Variants in LINGO2 observed in about 807,000 individuals in gnomAD.
LINGO2 encodes the protein leucine-rich repeat and immunoglobulin-like domain-containing nogo receptor-interacting protein 2.
In LINGO2, 14 loss-of-function variants were observed where a neutral mutation model predicts 30.6. The ratio of observed to expected loss-of-function variants is 0.46; its 90% CI spans 0.30 to 0.72. LINGO2 has a LOEUF of 0.72. Among genes scored for constraint, LINGO2 ranks in the 30% least tolerant of loss-of-function variants. The probability of loss-of-function intolerance (pLI) is 0.07; values close to 1 mark genes in which losing one functional copy is unlikely to be tolerated. For missense variants in LINGO2, 729 were observed against 751.7 expected (o/e 0.97, Z 0.35); for synonymous variants, 317 against 288.5 (o/e 1.10, Z -1.00).
At chr9:29,157,815 G>A in the LINGO2 span, among the ~76,000 whole-genome samples, 4 of 151,748 alleles carry the variant, frequency 2.6e-5, no homozygotes, top group African/African-American at 7.3e-5. Flanking sequence ...TTGAATATGC[G>A]GTAATCTTTG....
the LINGO2 span, among the ~76,000 whole-genome samples, chr9:28,818,782 T>C: frequency 6.6e-6 from 1 of 152,172 alleles, no homozygotes; most frequent in African/African-American, 2.4e-5. Context: ...GAGATAAACT[T>C]TCTAATTTGC....
At chr9:28,109,279 A>C (rs1826697535) in intron 4 of LINGO2, among the ~76,000 whole-genome samples, 1 of 152,214 alleles carries the variant, frequency 6.6e-6, no homozygotes, top group South Asian at 2.1e-4. Context: ...TCAAACCCAC[A>C]GACAATATCA....
At chr9:28,654,666 C>T (rs769282240) in intron 1 of LINGO2, among the ~76,000 whole-genome samples, 17 of 152,042 alleles carry the variant, frequency 1.1e-4, no homozygotes, top group African/African-American at 4.1e-4. Flanking sequence ...ATGGTTGCCT[C>T]ATAGCTTTTG....
At chr9:28,912,243 A>C in the LINGO2 span, among the ~76,000 whole-genome samples, 29 of 152,156 alleles carry the variant, frequency 1.9e-4, no homozygotes, top group South Asian at 6.2e-4. Context: ...ACAGTGAAAG[A>C]CTAACTTGTC....
the LINGO2 span, among the ~76,000 whole-genome samples, chr9:29,013,636 G>T: frequency 6.6e-6 from 1 of 151,994 alleles, no homozygotes; most frequent in East Asian, 1.9e-4. Flanking sequence ...TAATTAACTT[G>T]TAGTCTAGTA....
chr9:28,968,236 C>A, the LINGO2 span, among the ~76,000 whole-genome samples: 1 of 152,030 alleles, frequency 6.6e-6, no homozygotes, highest in Non-Finnish European at 1.5e-5. Context: ...AATAGACATG[C>A]CGAGTTTTTG....
chr9:28,539,405 T>C (rs2135455280), intron 1 of LINGO2, among the ~76,000 whole-genome samples: 1 of 152,232 alleles, frequency 6.6e-6, no homozygotes, highest in East Asian at 1.9e-4. Context: ...ACAATTCTCT[T>C]CATATATAAT....
At chr9:28,016,449 T>C (rs932428831) in intron 4 of LINGO2, among the ~76,000 whole-genome samples, 1 of 152,092 alleles carries the variant, frequency 6.6e-6, no homozygotes, top group Non-Finnish European at 1.5e-5. Flanking sequence ...GAAGGAGAAC[T>C]GTATCTGACA....
chr9:28,255,639 A>G (rs1822357188), intron 4 of LINGO2, among the ~76,000 whole-genome samples: 1 of 152,102 alleles, frequency 6.6e-6, no homozygotes, highest in African/African-American at 2.4e-5. Context: ...GGTCTCCCAT[A>G]AAACTTTTAC....
intron 1 of LINGO2, among the ~76,000 whole-genome samples, chr9:28,652,230 T>C (rs184338724): frequency 1.2e-3 from 180 of 152,284 alleles, no homozygotes; most frequent in Admixed American, 6.5e-3. Context: ...ATTTAAGACA[T>C]AGGGTTTAAA....
chr9:28,721,417 C>T, the LINGO2 span, among the ~76,000 whole-genome samples: 6 of 152,132 alleles, frequency 3.9e-5, no homozygotes, highest in African/African-American at 1.4e-4. Flanking sequence ...CCCAAATGCC[C>T]ATCAATGATA....
At chr9:28,584,607 G>T (rs951556491) in intron 1 of LINGO2, among the ~76,000 whole-genome samples, 3 of 152,074 alleles carry the variant, frequency 2.0e-5, no homozygotes, top group Non-Finnish European at 4.4e-5. Flanking sequence ...AACAGGAAAA[G>T]AAATTCCAAA....
the LINGO2 span, among the ~76,000 whole-genome samples, chr9:28,780,797 C>A: frequency 1.3e-5 from 2 of 150,010 alleles, no homozygotes; most frequent in Non-Finnish European, 3.0e-5. Context: ...CTTAACATAG[C>A]GGCTGGAATT....
At chr9:28,771,185 T>C in the LINGO2 span, among the ~76,000 whole-genome samples, 1 of 151,998 alleles carries the variant, frequency 6.6e-6, no homozygotes, top group African/African-American at 2.4e-5. Context: ...AGTCGTAAGA[T>C]CCCACATCTG....
intron 4 of LINGO2, among the ~76,000 whole-genome samples, chr9:28,284,261 T>G (rs1436902383): frequency 6.6e-6 from 1 of 152,160 alleles, no homozygotes; most frequent in African/African-American, 2.4e-5. Context: ...TTGCTGATGT[T>G]GGGTGAACTC....
the LINGO2 span, among the ~76,000 whole-genome samples, chr9:29,093,029 G>GTATATATATATATATA: frequency 1.0e-3 from 101 of 98,526 alleles, 4 homozygotes; most frequent in African/African-American, 3.9e-3. Context: ...TAATGTGTGT[G>GTATATATATATATATA]TATATATATA....
the LINGO2 span, among the ~76,000 whole-genome samples, chr9:28,991,867 A>G: frequency 4.6e-5 from 7 of 150,640 alleles, no homozygotes; most frequent in Non-Finnish European, 1.0e-4. Flanking sequence ...TGAAGGAAGC[A>G]CTAAACACGG....
chr9:28,165,161 C>A (rs1411257000), intron 4 of LINGO2, among the ~76,000 whole-genome samples: 1 of 152,144 alleles, frequency 6.6e-6, no homozygotes, highest in Admixed American at 6.5e-5. Context: ...AAGTGCAAAC[C>A]CAGATGCCTA....
In LINGO2 at chr9:27,999,198, CCAACAACAA is replaced by C. The variant is rs1225647061; in HGVS notation, c.-36+13148_-36+13156del. 2.0e-5 allele frequency among the ~76,000 whole-genome samples: 3 copies of C among 152,070 alleles called. No individual in the cohort carries two copies. The South Asian group carries it at 6.2e-4, about 32-fold the overall frequency. ...AAAAGCAAAAAAAAACCCAACACTGCCAACAACAACAACATACTCTCTGAAAAGCCAAGA... is the reference window on the plus strand; with the variant it reads ...AAAAGCAAAAAAAAACCCAACACTGCCAACATACTCTCTGAAAAGCCAAGA... On this transcript the variant is annotated intron_variant, in intron 5 of 5. Coordinates refer to ENST00000379992, the Ensembl canonical transcript of LINGO2.
Sources: gnomAD v4.1 joint callset for allele counts (sites outside exome capture counted in the v4.1 genomes callset) on GRCh38, gnomAD v4.1.1 for gene constraint, MANE v1.5 for transcripts, NCBI Gene and HGNC (gene_info 2026-07-23, HGNC 2026-07-21) for gene names.